UGT3A1: variants seen among roughly 807,000 people sequenced by gnomAD.
UGT3A1 encodes UDP-glycosyltransferase 3A1.
Under a neutral mutation model 37.6 loss-of-function variants are expected in UGT3A1, and 40 were observed. That is an observed-to-expected ratio of 1.06 (90% CI 0.83 to 1.38). The LOEUF is 1.38. Among genes scored for constraint, UGT3A1 ranks in the 40% most tolerant of loss-of-function variants. The probability of loss-of-function intolerance (pLI) is 0.00; values close to 1 mark genes in which losing one functional copy is unlikely to be tolerated. For synonymous variants in UGT3A1, 256 were observed against 232.3 expected (o/e 1.10, Z -0.93); for missense variants, 642 against 634.2 (o/e 1.01, Z -0.13).
rs778238581 is a variant in UGT3A1 at position 35,954,414 on chromosome 5, G to A, written c.1360C>T (p.Arg454Trp). Reference protein sequence around the residue: ...LHSQPLSPAQRLVGWIDHILQ... With the variant: ...LHSQPLSPAQWLVGWIDHILQ... ...ATGTGGTCGATCCAGCCCACCAGCCGCTGTGCGGGGCTCAGGGGCTGAGAG... is the reference window on the plus strand; with the variant it reads ...ATGTGGTCGATCCAGCCCACCAGCCACTGTGCGGGGCTCAGGGGCTGAGAG... The change falls in exon 7 of 7, where the codon CGG becomes TGG. Residue 454 changes from arginine to tryptophan, a missense_variant. By Grantham distance (101) the Arg-to-Trp change is moderately radical. Coordinates refer to ENST00000274278, the MANE Select transcript of UGT3A1 (RefSeq NM_152404.4). 15 of 1,614,098 alleles carry A rather than the reference G, an allele frequency of 9.3e-6. No homozygotes were observed. Among genetic ancestry groups the A allele is most frequent in the African/African-American group, 2.7e-5 (2 of 74,930 alleles).
chr5:35,958,457 G>A (rs1739444741), intron 4 of UGT3A1, among the ~76,000 whole-genome samples: 1 of 152,282 alleles, frequency 6.6e-6, no homozygotes, highest in East Asian at 1.9e-4. Context: ...AACACTGCCT[G>A]AACTACCATC....
chr5:35,989,086 T>C (rs1424336746), intron 1 of UGT3A1, among the ~76,000 whole-genome samples: 1 of 152,178 alleles, frequency 6.6e-6, no homozygotes, highest in African/African-American at 2.4e-5. Context: ...GAAACTGCCA[T>C]TGGACAGAAG....
At position 35,968,128 on chromosome 5, in the gene UGT3A1, T is replaced by C. The variant is rs539198097; in HGVS notation, c.202A>G (p.Lys68Glu). 1.9e-6 allele frequency: 3 copies of C among 1,604,780 alleles called. No homozygotes were observed. Among genetic ancestry groups the C allele is most frequent in the East Asian group, 4.5e-5 (2 of 44,752 alleles). ...ACTTGGTATGATTTTTCCTCCTCTT[T>C]AATATCTAAGAAAACACCAATTGGT... ...QSGKFLIPDI[K>E]EEEKSYQVIR... is the part of the protein sequence containing the mutation. Residue 68 changes from lysine to glutamate, a missense_variant, in exon 3 of 7, where the codon AAA becomes GAA. Physicochemically the swap from Lys to Glu is moderately conservative, Grantham distance 56. Coordinates refer to ENST00000274278, the MANE Select transcript of UGT3A1 (RefSeq NM_152404.4).
Position 35,954,239 on chromosome 5 carries a change from C to T in UGT3A1, c.1535G>A (p.Arg512Lys), listed in dbSNP as rs772590552. The T allele has an allele frequency of 1.9e-6, 3 of 1,614,194 alleles. No homozygotes were observed. The highest frequency in any genetic ancestry group is 1.7e-5 in the Admixed American group (1 of 60,030). ...LCGKLLGVVA[R>K]WLRGARKVKK... ...CACCTTCCTGGCCCCACGCAGCCAC[C>T]TGGCCACCACACCCAGCAGCTTCCC... The change falls in exon 7 of 7, where the codon AGG becomes AAG. Residue 512 changes from arginine to lysine, a missense_variant. Transcript: ENST00000274278.
chr5:35,991,750 G>A (rs1740958719), upstream of UGT3A1: 1 of 589,096 alleles, frequency 1.7e-6, no homozygotes, highest in African/African-American at 2.0e-5. Context: ...TCTAGCTGGT[G>A]TCCCAAGCTC....
At chr5:35,987,540 T>G (rs1008394939) in intron 2 of UGT3A1, among the ~76,000 whole-genome samples, 1 of 152,134 alleles carries the variant, frequency 6.6e-6, no homozygotes, top group Non-Finnish European at 1.5e-5. Flanking sequence ...AATCAGACAC[T>G]ATAAGGCAGA....
At chr5:35,958,342 A>G (rs1014737822) in intron 4 of UGT3A1, among the ~76,000 whole-genome samples, 1 of 152,144 alleles carries the variant, frequency 6.6e-6, no homozygotes, top group African/African-American at 2.4e-5. Flanking sequence ...ACTTCCAAAC[A>G]TTTCTTCAGA....
intron 1 of UGT3A1, among the ~76,000 whole-genome samples, chr5:35,999,745 T>G (rs988686615): frequency 2.0e-5 from 3 of 152,222 alleles, no homozygotes; most frequent in Admixed American, 2.0e-4. Context: ...ATTCCCTCCA[T>G]GGGGCCAAGG....
At chr5:35,957,593 A>G (rs1739408789) in intron 4 of UGT3A1, among the ~76,000 whole-genome samples, 174 bp from the exon 5 acceptor site, 1 of 152,174 alleles carries the variant, frequency 6.6e-6, no homozygotes, top group Non-Finnish European at 1.5e-5. Context: ...CACTGTGCTC[A>G]TATTGTGTCT....
intron 4 of UGT3A1, among the ~76,000 whole-genome samples, chr5:35,958,522 A>G (rs965819202): frequency 2.7e-5 from 4 of 150,874 alleles, no homozygotes; most frequent in Admixed American, 1.3e-4. Flanking sequence ...AAATCATTAT[A>G]TAAAATCAAA....
intron 2 of UGT3A1, among the ~76,000 whole-genome samples, chr5:35,977,009 A>G (rs1740306058): frequency 1.3e-5 from 2 of 149,208 alleles, no homozygotes; most frequent in Admixed American, 1.3e-4. Flanking sequence ...GAAAAGAAAG[A>G]AAGAAAAAGA....
In UGT3A1 at chr5:35,951,935, C is replaced by T. The variant is rs1739207674; in HGVS notation, c.*2267G>A. The T allele has an allele frequency of 2.6e-5, 4 of 152,142 alleles. No homozygotes were observed. The highest frequency in any genetic ancestry group is 2.6e-4 in the Admixed American group (4 of 15,276). The allele number at this position is 152,142 out of a possible 1,614,324, so 9.4% of individuals were successfully genotyped here. On this transcript the variant is annotated 3_prime_UTR_variant, in exon 7 of 7. Transcript: ENST00000274278. ...CCAGTTGTCCTAGCAGTATTTGTTC[C>T]AGGCACTATGCCAGGTTCTATAACA...
At chr5:35,957,119 G>C in intron 5 of UGT3A1, 69 bp downstream of exon 5, 1 of 1,356,764 alleles carries the variant, frequency 7.4e-7, no homozygotes, top group Non-Finnish European at 1.0e-6. Flanking sequence ...CCCAGCTAGA[G>C]GTCAGAACAC....
At chr5:35,979,296 G>A (rs551175059) in intron 2 of UGT3A1, among the ~76,000 whole-genome samples, 25 of 152,182 alleles carry the variant, frequency 1.6e-4, no homozygotes, top group Middle Eastern at 3.4e-3. Flanking sequence ...TTGTCAGTCC[G>A]CAAACTTTTT....
rs960353472 is a variant in UGT3A1, at chr5:35,962,772, G to A, written c.843+2614C>T. ...CATAATTTGGCCAAACCTTTGTTCCGAGGGCTAGGAGGTGTTTTTCCTCCA... is the reference window on the plus strand; with the variant it reads ...CATAATTTGGCCAAACCTTTGTTCCAAGGGCTAGGAGGTGTTTTTCCTCCA... On this transcript the variant is annotated intron_variant, in intron 4 of 6. Coordinates refer to ENST00000274278, the MANE Select transcript of UGT3A1 (RefSeq NM_152404.4). 24 of 643,204 alleles carry A rather than the reference G, an allele frequency of 3.7e-5. 1 individual carries two copies. The highest frequency in any genetic ancestry group is 1.7e-4 in the South Asian group (10 of 57,278). The allele number at this position is 643,204 out of a possible 1,614,324, so 39.8% of individuals were successfully genotyped here. A position where few individuals can be genotyped will look rare whatever the true frequency, so the allele number is the denominator to read the frequency against.
At chr5:35,990,740 C>T (rs1432202648) in intron 1 of UGT3A1, among the ~76,000 whole-genome samples, 1 of 152,104 alleles carries the variant, frequency 6.6e-6, no homozygotes, top group African/African-American at 2.4e-5. Context: ...AGGCTGGAAA[C>T]GGTCACCACC....
rs550827700 is a variant in UGT3A1, at chr5:35,991,290, G to C, written c.-50C>G. ...TCTCAGCCTGGGCTGCGCGCCCTGC[G>C]CCGGGCTAAGGACTCTGTGCGCGCC... is the stretch of plus-strand genomic sequence containing the variant. On this transcript the variant is annotated 5_prime_UTR_variant, in exon 1 of 7. Coordinates refer to ENST00000274278, the MANE Select transcript of UGT3A1 (RefSeq NM_152404.4). The C allele has an allele frequency of 8.1e-6, 13 of 1,611,270 alleles. No individual in the cohort carries two copies. The highest frequency in any genetic ancestry group is 1.1e-5 in the Non-Finnish European group (13 of 1,178,500).
In UGT3A1 at chr5:35,997,535, T is replaced by C. The variant is rs148490515; in HGVS notation, c.-159-206A>G. On this transcript the variant is annotated intron_variant, in intron 1 of 5. Transcript: ENST00000625798. ...TCCGCCTCCCAGGTTCAAGTGATTC[T>C]CCTACTTCAGCCTCCAGAGTAGCTG... Among the ~76,000 whole-genome samples the C allele has an allele frequency of 7.8e-3, 1,185 of 152,208 alleles. 15 individuals carry two copies. The highest frequency in any genetic ancestry group is 0.027 in the African/African-American group (1,131 of 41,532).
At chr5:35,970,587 A>G (rs1580935622) in intron 2 of UGT3A1, among the ~76,000 whole-genome samples, 1 of 152,152 alleles carries the variant, frequency 6.6e-6, no homozygotes, top group Non-Finnish European at 1.5e-5. Context: ...ATTTCCTAAA[A>G]TATTCCATTG....
Sources: gnomAD v4.1 joint callset for allele counts (sites outside exome capture counted in the v4.1 genomes callset) on GRCh38, gnomAD v4.1.1 for gene constraint, MANE v1.5 for transcripts, NCBI Gene and HGNC (gene_info 2026-07-23, HGNC 2026-07-21) for gene names.